Variants in GPR55 observed in about 807,000 individuals in gnomAD.
GPR55 encodes the protein G-protein coupled receptor 55.
GPR55 carries 6 observed loss-of-function variants against 7.9 expected under a neutral mutation model. The ratio of observed to expected loss-of-function variants is 0.76; its 90% CI spans 0.41 to 1.49. The LOEUF is 1.49. Among genes scored for constraint, GPR55 ranks in the 40% most tolerant of loss-of-function variants. The pLI is 0.01. For synonymous variants in GPR55, 183 were observed against 166.8 expected, an observed-to-expected ratio of 1.10 and a Z score of -0.75; for missense variants, 376 against 406.0, an observed-to-expected ratio of 0.93 and a Z score of 0.63.
intron 1 of GPR55, among the ~76,000 whole-genome samples, chr2:230,958,660 A>G (rs976085568): frequency 5.6e-4 from 85 of 152,138 alleles, no homozygotes; most frequent in Admixed American, 5.2e-3. Flanking sequence ...AGAACATGCA[A>G]TGTTTGTCTT....
intron 1 of GPR55, among the ~76,000 whole-genome samples, chr2:230,935,315 C>T (rs376142076): frequency 1.2e-4 from 19 of 152,302 alleles, no homozygotes; most frequent in East Asian, 1.2e-3. Flanking sequence ...CCAGCCCCAG[C>T]GCAGCCTCCT....
chr2:230,954,875 A>G (rs1207815838), intron 1 of GPR55, among the ~76,000 whole-genome samples: 2 of 152,266 alleles, frequency 1.3e-5, no homozygotes, highest in African/African-American at 2.4e-5. Context: ...CTTTCAAAAA[A>G]GTCATGACAG....
rs370390508 is a variant in GPR55, at chr2:230,910,002, G to T, written c.*1C>A. ...CTTCCCCTGAACAGGATGTCCTTCC[G>T]TTAGCCCCGGGAGATCGTGGTGTCC... is the stretch of plus-strand genomic sequence containing the variant. On this transcript the variant is annotated 3_prime_UTR_variant, in exon 2 of 2. Transcript: ENST00000650999. This position sits in a 1 kb window ranked among gnomAD's most constrained non-coding sequence, Gnocchi z 5.4. 2 of 1,610,152 alleles carry T rather than the reference G, an allele frequency of 1.2e-6. No homozygotes were observed. The highest frequency in any genetic ancestry group is 2.7e-5 in the African/African-American group (2 of 74,724).
At chr2:230,947,810 C>T (rs1403549696) in intron 1 of GPR55, among the ~76,000 whole-genome samples, 1 of 152,104 alleles carries the variant, frequency 6.6e-6, no homozygotes, top group African/African-American at 2.4e-5. Flanking sequence ...CCTTTTAGTG[C>T]TATTTTTTAA....
chr2:230,934,816 G>A (rs566187658), intron 1 of GPR55, among the ~76,000 whole-genome samples: 8 of 152,242 alleles, frequency 5.3e-5, no homozygotes, highest in African/African-American at 1.2e-4. Context: ...ACTGCAGGTC[G>A]GCAAGGGAGC....
intron 1 of GPR55, among the ~76,000 whole-genome samples, chr2:230,948,566 T>G (rs1257156549): frequency 6.6e-6 from 1 of 152,256 alleles, no homozygotes. Flanking sequence ...AGAGCCAGCA[T>G]GACATTGGCA....
At chr2:230,920,594 A>G (rs1161076133) in intron 1 of GPR55, among the ~76,000 whole-genome samples, 1 of 152,208 alleles carries the variant, frequency 6.6e-6, no homozygotes, top group Non-Finnish European at 1.5e-5. Flanking sequence ...TAAAAGAGAC[A>G]AAATGCCAGC....
In GPR55 at chr2:230,908,200, G is replaced by A. The variant is rs1690498454; in HGVS notation, c.*1803C>T. The A allele has an allele frequency of 6.6e-6, 1 of 152,582 alleles. No homozygotes were observed. The highest frequency in any genetic ancestry group is 6.5e-5 in the Admixed American group (1 of 15,284). The allele number at this position is 152,582 out of a possible 1,614,324, so 9.5% of individuals were successfully genotyped here. A position where few individuals can be genotyped will look rare whatever the true frequency, so the allele number is the denominator to read the frequency against. ...GTGGTTCTTAGAGGCCCAGCTCAGG[G>A]GGCCTGAGCCTCCGATCCCTCTGGT... On this transcript the variant is annotated 3_prime_UTR_variant, in exon 2 of 2. Transcript: ENST00000650999.
chr2:230,935,817 A>G (rs796446838), intron 1 of GPR55, among the ~76,000 whole-genome samples: 1 of 152,246 alleles, frequency 6.6e-6, no homozygotes, highest in Non-Finnish European at 1.5e-5. Context: ...TATTTGCATT[A>G]TACTGGCTGA....
intron 1 of GPR55, among the ~76,000 whole-genome samples, chr2:230,914,756 C>A (rs57677678): frequency 0.012 from 1,847 of 152,300 alleles, 40 homozygotes; most frequent in African/African-American, 0.042. Flanking sequence ...AGGGGTCCAC[C>A]CCAATCAAGC....
chr2:230,955,167 G>C (rs1030022256), intron 1 of GPR55, among the ~76,000 whole-genome samples: 1 of 152,182 alleles, frequency 6.6e-6, no homozygotes, highest in Non-Finnish European at 1.5e-5. Flanking sequence ...TCTACTTTGA[G>C]TGGCAAAGAA....
intron 1 of GPR55, among the ~76,000 whole-genome samples, chr2:230,914,947 T>C (rs1215133895): frequency 1.3e-5 from 2 of 152,038 alleles, no homozygotes; most frequent in Non-Finnish European, 1.5e-5. Flanking sequence ...TCTGACTCTG[T>C]GGAAGGAGAG....
Position 230,909,774 on chromosome 2 carries a change from C to G in GPR55, c.*229G>C. ...CTTAGAAATCAGTAATTCACCTGGT[C>G]TGTGGGTTCTTCAGAGATCCCTGAA... is the stretch of plus-strand genomic sequence containing the variant. On this transcript the variant is annotated 3_prime_UTR_variant, in exon 2 of 2. Transcript: ENST00000650999. 1 of 529,842 alleles carries G rather than the reference C, an allele frequency of 1.9e-6. No homozygotes were observed. Among genetic ancestry groups the G allele is most frequent in the Admixed American group, 3.2e-5 (1 of 31,406 alleles). 32.8% of individuals were successfully genotyped at this position (529,842 alleles called of 1,614,324 possible).
At chr2:230,919,974 C>T (rs1349283386) in intron 1 of GPR55, among the ~76,000 whole-genome samples, 9 of 146,950 alleles carry the variant, frequency 6.1e-5, no homozygotes, top group Admixed American at 2.0e-4. Context: ...CAAAAACCCA[C>T]GCATAGAGGG....
chr2:230,960,818 G>T (rs1033175968), exon 1 of GPR55: 3 of 152,190 alleles, frequency 2.0e-5, no homozygotes, highest in Non-Finnish European at 2.9e-5. Flanking sequence ...ACTTGTAGGA[G>T]CACTTACATG....
intron 1 of GPR55, among the ~76,000 whole-genome samples, chr2:230,914,277 A>C (rs1433486069): frequency 6.6e-6 from 1 of 152,178 alleles, no homozygotes; most frequent in African/African-American, 2.4e-5. Flanking sequence ...TCATAGACAC[A>C]ATTTGGCCAT....
chr2:230,933,868 T>C (rs1489812649), intron 1 of GPR55, among the ~76,000 whole-genome samples: 1 of 152,156 alleles, frequency 6.6e-6, no homozygotes, highest in Non-Finnish European at 1.5e-5. Context: ...AGGGGATGTG[T>C]CCGCTAGGAG....
At chr2:230,957,608 G>C in intron 1 of GPR55, 1 of 455,644 alleles carries the variant, frequency 2.2e-6, no homozygotes, top group Non-Finnish European at 4.5e-6. Flanking sequence ...CGCCGCTCCG[G>C]AGCCCGGCGA....
At chr2:230,953,435 G>C (rs562620747) in intron 1 of GPR55, among the ~76,000 whole-genome samples, 1 of 152,248 alleles carries the variant, frequency 6.6e-6, no homozygotes, top group African/African-American at 2.4e-5. Context: ...GTTTGAAGAC[G>C]GAAGAAGGGG....
Sources: gnomAD v4.1 joint callset for allele counts (sites outside exome capture counted in the v4.1 genomes callset) on GRCh38, gnomAD v4.1.1 for gene constraint, Gnocchi (gnomAD v3.1) non-coding constraint, MANE v1.5 for transcripts, NCBI Gene and HGNC (gene_info 2026-07-23, HGNC 2026-07-21) for gene names.